PLCB1: variants seen among roughly 807,000 people sequenced by gnomAD.
PLCB1 encodes 1-phosphatidylinositol 4,5-bisphosphate phosphodiesterase beta-1.
In PLCB1, 46 loss-of-function variants were observed where a neutral mutation model predicts 161.8. The observed-to-expected ratio is 0.28, with a 90% CI of 0.22 to 0.36. The LOEUF (loss-of-function observed/expected upper bound fraction) is 0.36, where lower values mean the gene tolerates loss of function less well. PLCB1 is among the 10% of genes least tolerant of loss of function. PLCB1 has a pLI of 1.00. For synonymous variants in PLCB1, 517 were observed against 503.7 expected, an observed-to-expected ratio of 1.03 and a Z score of -0.35; for missense variants, 1,016 against 1,472.5, an observed-to-expected ratio of 0.69 and a Z score of 5.07.
intron 3 of PLCB1, among the ~76,000 whole-genome samples, chr20:8,546,088 G>A (rs997293521): frequency 3.9e-5 from 6 of 151,986 alleles, no homozygotes; most frequent in Non-Finnish European, 5.9e-5. Context: ...AGGCCGAGGC[G>A]GACGGATCAC....
rs376057664 is a variant in PLCB1 at position 8,784,654 on chromosome 20, T to C, written c.3112-3795T>C. On this transcript the variant is annotated intron_variant, in intron 27 of 31. Coordinates refer to ENST00000338037, the MANE Select transcript of PLCB1 (RefSeq NM_015192.4). ...AAGGCAAACTGAGTACAGTAGGACA[T>C]TTACATATTTTACATATTAAACAGA... 1.4e-3 allele frequency among the ~76,000 whole-genome samples: 214 copies of C among 152,038 alleles called. 8 individuals carry two copies. In the South Asian group the frequency reaches 0.043, roughly 31 times the overall value.
chr20:8,340,515 C>A (rs895484752), intron 2 of PLCB1, among the ~76,000 whole-genome samples: 1 of 151,946 alleles, frequency 6.6e-6, no homozygotes, highest in African/African-American at 2.4e-5. Flanking sequence ...CTCCGCCTCC[C>A]GGGTTCACGC....
chr20:8,539,080 C>G (rs915913202), intron 3 of PLCB1, among the ~76,000 whole-genome samples: 7 of 152,244 alleles, frequency 4.6e-5, no homozygotes, highest in African/African-American at 1.7e-4. Context: ...AGCCACTGTG[C>G]CTGGCCTACA....
rs1436523815 is a variant in PLCB1, at chr20:8,657,170, G to A, written c.595-14G>A. 1 of 1,501,268 alleles carries A rather than the reference G, an allele frequency of 6.7e-7. No homozygotes were observed. The highest frequency in any genetic ancestry group is 1.4e-5 in the African/African-American group (1 of 72,720). The allele number at this position is 1,501,268 out of a possible 1,614,324, so 93.0% of individuals were successfully genotyped here. A position where few individuals can be genotyped will look rare whatever the true frequency, so the allele number is the denominator to read the frequency against. On this transcript the variant is annotated splice_polypyrimidine_tract_variant and intron_variant, in intron 7 of 31. Coordinates refer to ENST00000338037, the MANE Select transcript of PLCB1 (RefSeq NM_015192.4). The stretch of plus-strand genomic sequence containing the variant: ...AAAAAGACCATTTGCTGACTCCGTT[G>A]TTTTATTTCCCAGAATGATTCAATA...
At chr20:8,614,783 A>T (rs1175271364) in intron 3 of PLCB1, among the ~76,000 whole-genome samples, 1 of 152,174 alleles carries the variant, frequency 6.6e-6, no homozygotes, top group Non-Finnish European at 1.5e-5. Context: ...AGTGGCTACC[A>T]TATTGGACAG....
intron 3 of PLCB1, among the ~76,000 whole-genome samples, chr20:8,584,012 C>A (rs1339911158): frequency 6.6e-6 from 1 of 151,990 alleles, no homozygotes; most frequent in African/African-American, 2.4e-5. Flanking sequence ...AAATGAAGGA[C>A]CTCAGAGAAA....
intron 2 of PLCB1, among the ~76,000 whole-genome samples, chr20:8,316,785 T>C (rs1311581283): frequency 6.6e-6 from 1 of 152,048 alleles, no homozygotes; most frequent in Admixed American, 6.6e-5. Context: ...TATAACATGA[T>C]CTGGTTGGGA....
At chr20:8,222,813 A>G (rs4399790) in intron 2 of PLCB1, among the ~76,000 whole-genome samples, 122,075 of 152,102 alleles carry the variant, frequency 0.8, 49,213 homozygotes, top group African/African-American at 0.85. Context: ...TCTCAACCTT[A>G]ATTACATCAG....
intron 3 of PLCB1, among the ~76,000 whole-genome samples, chr20:8,410,178 T>C (rs1978978916): frequency 6.6e-6 from 1 of 152,190 alleles, no homozygotes; most frequent in South Asian, 2.1e-4. Flanking sequence ...ATATACCAAA[T>C]GTATTTATCC....
At chr20:8,712,711 A>C (rs1979084900) in intron 12 of PLCB1, among the ~76,000 whole-genome samples, 1 of 152,238 alleles carries the variant, frequency 6.6e-6, no homozygotes, top group South Asian at 2.1e-4. Flanking sequence ...TTTATAGGGA[A>C]AGAGGTTGGT....
intron 3 of PLCB1, among the ~76,000 whole-genome samples, chr20:8,504,241 G>A (rs1983538799): frequency 6.6e-6 from 1 of 152,110 alleles, no homozygotes; most frequent in South Asian, 2.1e-4. Flanking sequence ...TCCGGTTACT[G>A]TGGCAGAAGG....
chr20:8,859,633 T>C (rs1350956685), intron 31 of PLCB1, among the ~76,000 whole-genome samples: 1 of 152,180 alleles, frequency 6.6e-6, no homozygotes, highest in Admixed American at 6.5e-5. Context: ...TTTTTCAATC[T>C]TTCTGGATGT....
intron 11 of PLCB1, among the ~76,000 whole-genome samples, chr20:8,701,632 C>T (rs376328048): frequency 7.9e-5 from 12 of 152,310 alleles, no homozygotes; most frequent in Non-Finnish European, 1.2e-4. Flanking sequence ...CTTCTACTAA[C>T]GCATAAGCTC....
At chr20:8,405,000 T>C (rs1383018641) in intron 3 of PLCB1, among the ~76,000 whole-genome samples, 2 of 152,188 alleles carry the variant, frequency 1.3e-5, no homozygotes, top group Non-Finnish European at 2.9e-5. Flanking sequence ...CCTCTTTGCT[T>C]TCAGTAGGTA....
intron 3 of PLCB1, among the ~76,000 whole-genome samples, chr20:8,558,979 G>A (rs1324308654): frequency 6.6e-6 from 1 of 151,898 alleles, no homozygotes; most frequent in Non-Finnish European, 1.5e-5. Flanking sequence ...AAACTCGATA[G>A]TAACTTAAAG....
At position 8,136,365 on chromosome 20, in the gene PLCB1, G is replaced by T. The variant is rs558058091; in HGVS notation, c.99+3615G>T. Among the ~76,000 whole-genome samples, 28 of 152,298 alleles carry T rather than the reference G, an allele frequency of 1.8e-4. No individual in the cohort carries two copies. The East Asian group carries it at 5.4e-3, about 29-fold the overall frequency. ...TTGTCGGCCGGGCGCGGTGGCTCAA[G>T]CCTGTAATCCTAGCACTTTGGGAAG... On this transcript the variant is annotated intron_variant, in intron 1 of 31. Coordinates refer to ENST00000338037, the MANE Select transcript of PLCB1 (RefSeq NM_015192.4).
chr20:8,411,456 C>A (rs143039760), intron 3 of PLCB1, among the ~76,000 whole-genome samples: 38 of 152,220 alleles, frequency 2.5e-4, no homozygotes, highest in African/African-American at 8.2e-4. Flanking sequence ...AGAGTGGGAA[C>A]ATTTAGAGGT....
At chr20:8,287,185 A>G (rs1207724212) in intron 2 of PLCB1, among the ~76,000 whole-genome samples, 6 of 152,078 alleles carry the variant, frequency 3.9e-5, no homozygotes, top group Admixed American at 6.6e-5. Flanking sequence ...TCCCAAAACA[A>G]TCTCACCTCA....
chr20:8,802,385 T>C (rs1464182299), intron 31 of PLCB1: 2 of 482,956 alleles, frequency 4.1e-6, no homozygotes, highest in Non-Finnish European at 7.2e-6. Context: ...TTGTGCTCTC[T>C]CTTCCTGACA....
Sources: gnomAD v4.1 joint callset for allele counts (sites outside exome capture counted in the v4.1 genomes callset) on GRCh38, gnomAD v4.1.1 for gene constraint, MANE v1.5 for transcripts, NCBI Gene and HGNC (gene_info 2026-07-23, HGNC 2026-07-21) for gene names.